UNC5C: variants seen among roughly 807,000 people sequenced by gnomAD.
UNC5C encodes unc-5 netrin receptor C, also known as netrin receptor UNC5C.
A neutral mutation model predicts 99.8 loss-of-function variants in UNC5C; 47 were observed. That is an observed-to-expected ratio of 0.47 (90% CI 0.37 to 0.60). The LOEUF (loss-of-function observed/expected upper bound fraction) is 0.60. UNC5C is among the 20% of genes least tolerant of loss of function. The probability of loss-of-function intolerance (pLI) is 0.00; values close to 1 mark genes in which losing one functional copy is unlikely to be tolerated. For missense variants in UNC5C, 1,062 were observed against 1,165.9 expected (o/e 0.91, Z 1.30); for synonymous variants, 487 against 452.2 (o/e 1.08, Z -0.98).
At chr4:95,471,208 G>T (rs1440954922) in intron 1 of UNC5C, among the ~76,000 whole-genome samples, 1 of 152,012 alleles carries the variant, frequency 6.6e-6, no homozygotes, top group Non-Finnish European at 1.5e-5. Context: ...CCTTGGAAAT[G>T]GTGATTTTTG....
chr4:95,205,804 T>C (rs1737855471), intron 11 of UNC5C, among the ~76,000 whole-genome samples: 1 of 152,092 alleles, frequency 6.6e-6, no homozygotes, highest in African/African-American at 2.4e-5. Flanking sequence ...GAAGTTCTGA[T>C]GACAGCAGCT....
At chr4:95,372,172 C>CCACT (rs1744767842) in intron 1 of UNC5C, among the ~76,000 whole-genome samples, 1 of 152,130 alleles carries the variant, frequency 6.6e-6, no homozygotes, top group Non-Finnish European at 1.5e-5. Context: ...AAACTATTGA[C>CCACT]CCTTCTCCAG....
chr4:95,490,065 G>T lies in UNC5C; in HGVS notation c.124+58669C>A, dbSNP rs78675857. On this transcript the variant is annotated intron_variant, in intron 1 of 15. Transcript: ENST00000453304. ...AGGGGACCCCAGATGGAGTCCTGAG[G>T]CCTGGACACTTAACAGTTGTGGAGA... is the stretch of plus-strand genomic sequence containing the variant. 2.2e-3 allele frequency among the ~76,000 whole-genome samples: 327 copies of T among 151,592 alleles called. 2 individuals carry two copies. In the East Asian group the frequency reaches 0.022, roughly 10 times the overall value.
At chr4:95,262,325 T>C (rs565266724) in intron 4 of UNC5C, among the ~76,000 whole-genome samples, 2 of 152,326 alleles carry the variant, frequency 1.3e-5, no homozygotes, top group African/African-American at 4.8e-5. Flanking sequence ...TTTTGACCTG[T>C]AACTTGGAAG....
chr4:95,216,002 A>G, intron 10 of UNC5C, 122 bp downstream of exon 10: 1 of 676,898 alleles, frequency 1.5e-6, no homozygotes, highest in African/African-American at 1.8e-5. Flanking sequence ...CAAGGGAAAA[A>G]GAATGTATGC....
intron 1 of UNC5C, among the ~76,000 whole-genome samples, chr4:95,418,077 G>A (rs537480246): frequency 2.6e-5 from 4 of 152,238 alleles, no homozygotes; most frequent in Admixed American, 6.5e-5. Flanking sequence ...GTAGGTTAGC[G>A]AATGAGCAAA....
intron 2 of UNC5C, among the ~76,000 whole-genome samples, chr4:95,310,963 C>T (rs78565436): frequency 0.015 from 2,270 of 152,154 alleles, 57 homozygotes; most frequent in African/African-American, 0.051. Context: ...TTCCTCTTTC[C>T]TTTGTGCGAG....
At chr4:95,407,789 AT>A (rs1359742140) in intron 1 of UNC5C, among the ~76,000 whole-genome samples, 3 of 152,196 alleles carry the variant, frequency 2.0e-5, no homozygotes, top group Non-Finnish European at 4.4e-5. Context: ...AAGGCGTTAT[AT>A]TACTGTATTG....
At chr4:95,323,111 C>T (rs1468398338) in intron 2 of UNC5C, among the ~76,000 whole-genome samples, 4 of 152,064 alleles carry the variant, frequency 2.6e-5, no homozygotes, top group Non-Finnish European at 5.9e-5. Context: ...GATTCATTCA[C>T]AGTACTGCAT....
intron 7 of UNC5C, among the ~76,000 whole-genome samples, chr4:95,224,100 G>A (rs1738579402): frequency 6.6e-6 from 1 of 152,108 alleles, no homozygotes; most frequent in East Asian, 1.9e-4. Context: ...TGGGCAACAT[G>A]GTGAAAGCCC....
chr4:95,221,731 G>A (rs897996820), intron 7 of UNC5C, among the ~76,000 whole-genome samples: 1 of 152,174 alleles, frequency 6.6e-6, no homozygotes, highest in Admixed American at 6.5e-5. Context: ...TTGGGTGAGT[G>A]CTGCTTTCAA....
intron 1 of UNC5C, among the ~76,000 whole-genome samples, chr4:95,355,853 A>G (rs2149431847): frequency 6.6e-6 from 1 of 152,266 alleles, no homozygotes; most frequent in South Asian, 2.1e-4. Context: ...TCTTCATTTT[A>G]CTACTTTTAA....
At chr4:95,397,308 T>A (rs1216022745) in intron 1 of UNC5C, among the ~76,000 whole-genome samples, 1 of 152,234 alleles carries the variant, frequency 6.6e-6, no homozygotes, top group African/African-American at 2.4e-5. Context: ...AACTGGTGCA[T>A]TTAAATCTGC....
chr4:95,295,735 C>T (rs79160631), intron 3 of UNC5C, among the ~76,000 whole-genome samples: 1,761 of 152,256 alleles, frequency 0.012, 39 homozygotes, highest in African/African-American at 0.04. Flanking sequence ...TGATGGCCCT[C>T]GGTCAAGTAT....
At chr4:95,246,835 A>T (rs1739519726) in intron 5 of UNC5C, among the ~76,000 whole-genome samples, 1 of 152,042 alleles carries the variant, frequency 6.6e-6, no homozygotes, top group Admixed American at 6.6e-5. Flanking sequence ...CAAGATGGGC[A>T]GATTGCTTGA....
intron 4 of UNC5C, among the ~76,000 whole-genome samples, chr4:95,271,313 C>T (rs1439954281): frequency 1.3e-5 from 2 of 151,812 alleles, no homozygotes; most frequent in Non-Finnish European, 2.9e-5. Context: ...CTGCAAGCTC[C>T]GCCTCCTGGG....
chr4:95,202,639 A>C, intron 12 of UNC5C, 92 bp downstream of exon 12: 1 of 1,269,442 alleles, frequency 7.9e-7, no homozygotes. Flanking sequence ...TTGGGTGCAC[A>C]CACACAGCCA....
At chr4:95,181,255 A>AAAG (rs1377515659) in intron 14 of UNC5C, among the ~76,000 whole-genome samples, 1 of 152,212 alleles carries the variant, frequency 6.6e-6, no homozygotes, top group Non-Finnish European at 1.5e-5. Flanking sequence ...CCGTGTTGCA[A>AAAG]AAGAAGTAAT....
chr4:95,417,288 A>G (rs999376067), intron 1 of UNC5C, among the ~76,000 whole-genome samples: 1 of 152,240 alleles, frequency 6.6e-6, no homozygotes, highest in Non-Finnish European at 1.5e-5. Flanking sequence ...TTTCACAGAT[A>G]TTAGCCCCGT....
Sources: gnomAD v4.1 joint callset for allele counts (sites outside exome capture counted in the v4.1 genomes callset) on GRCh38, gnomAD v4.1.1 for gene constraint, MANE v1.5 for transcripts, NCBI Gene and HGNC (gene_info 2026-07-23, HGNC 2026-07-21) for gene names.